Variants in PDZRN4 observed in about 807,000 individuals in gnomAD.
PDZRN4 encodes the protein PDZ domain-containing RING finger protein 4.
PDZRN4 carries 70 observed loss-of-function variants against 99.0 expected under a neutral mutation model. That is an observed-to-expected ratio of 0.71 (90% CI 0.58 to 0.86). PDZRN4 has a LOEUF of 0.86. Ranked by LOEUF, PDZRN4 falls within the 40% of genes least tolerant of loss-of-function variation. The probability of loss-of-function intolerance (pLI) is 0.00; values close to 1 mark genes in which losing one functional copy is unlikely to be tolerated. For synonymous variants in PDZRN4, 551 were observed against 501.6 expected, an observed-to-expected ratio of 1.10 and a Z score of -1.32; for missense variants, 1,474 against 1,331.2, an observed-to-expected ratio of 1.11 and a Z score of -1.67.
intron 3 of PDZRN4, among the ~76,000 whole-genome samples, chr12:41,473,672 C>A (rs1253347798): frequency 6.6e-6 from 1 of 152,118 alleles, no homozygotes; most frequent in Non-Finnish European, 1.5e-5. Flanking sequence ...CAGCTGTGGC[C>A]CTGGTGACCT....
chr12:41,419,461 C>A (rs1426813346), intron 3 of PDZRN4, among the ~76,000 whole-genome samples: 1 of 152,088 alleles, frequency 6.6e-6, no homozygotes, highest in Non-Finnish European at 1.5e-5. Context: ...GAGAGAGACT[C>A]ATCAAATAAC....
chr12:41,537,301 C>T (rs1179977972), intron 5 of PDZRN4, among the ~76,000 whole-genome samples: 1 of 152,128 alleles, frequency 6.6e-6, no homozygotes, highest in Non-Finnish European at 1.5e-5. Context: ...GGCAAATGGG[C>T]AATGAGCACT....
At chr12:41,470,732 ACTT>A (rs1329476570) in intron 3 of PDZRN4, among the ~76,000 whole-genome samples, 1 of 151,576 alleles carries the variant, frequency 6.6e-6, no homozygotes, top group Non-Finnish European at 1.5e-5. Flanking sequence ...ATTCCCACCC[ACTT>A]CTTAAAAGTC....
chr12:41,366,129 T>A (rs535789942), intron 3 of PDZRN4, among the ~76,000 whole-genome samples: 4 of 152,264 alleles, frequency 2.6e-5, no homozygotes, highest in African/African-American at 9.6e-5. Context: ...GCAAGTGTCC[T>A]GCCTTGTATT....
At chr12:41,399,666 G>C (rs868049765) in intron 3 of PDZRN4, among the ~76,000 whole-genome samples, 1 of 151,750 alleles carries the variant, frequency 6.6e-6, no homozygotes, top group Non-Finnish European at 1.5e-5. Flanking sequence ...AACCCAGGGG[G>C]CAGAGGTTGT....
At chr12:41,565,881 C>T (rs566540749) in intron 8 of PDZRN4, among the ~76,000 whole-genome samples, 2 of 152,222 alleles carry the variant, frequency 1.3e-5, no homozygotes, top group Admixed American at 6.5e-5. Flanking sequence ...CATGTGGCCC[C>T]CTTTGGTGCA....
At chr12:41,555,241 A>AAAAAAAAAAG (rs1939135516) in intron 6 of PDZRN4, among the ~76,000 whole-genome samples, 1 of 119,964 alleles carries the variant, frequency 8.3e-6, no homozygotes, top group African/African-American at 3.2e-5. Flanking sequence ...AAAAAAAAAA[A>AAAAAAAAAAG]AAAAAAAAGA....
chr12:41,428,105 A>C (rs1329989018), intron 3 of PDZRN4, among the ~76,000 whole-genome samples: 1 of 151,986 alleles, frequency 6.6e-6, no homozygotes, highest in Non-Finnish European at 1.5e-5. Context: ...CAACAACAAA[A>C]ACAAAACAAA....
chr12:41,305,878 C>A (rs1472673344), intron 3 of PDZRN4, among the ~76,000 whole-genome samples: 2 of 152,172 alleles, frequency 1.3e-5, no homozygotes, highest in Non-Finnish European at 2.9e-5. Context: ...AGTCCAGAGT[C>A]TCATCTAAAT....
Position 41,428,505 on chromosome 12 carries a change from A to C in PDZRN4, c.844-77951A>C, listed in dbSNP as rs931628268. On this transcript the variant is annotated intron_variant, in intron 3 of 9. Coordinates refer to ENST00000402685, the MANE Select transcript of PDZRN4 (RefSeq NM_001164595.2). ...TGCAGTACCAGATAGAACTGTCCAC[A>C]CTCTAAAAAAAGAGAGAAATATACC... is the stretch of plus-strand genomic sequence containing the variant. 3.3e-5 allele frequency among the ~76,000 whole-genome samples: 5 copies of C among 152,136 alleles called. No homozygotes were observed. The East Asian group carries it at 5.8e-4, about 18-fold the overall frequency.
intron 3 of PDZRN4, among the ~76,000 whole-genome samples, chr12:41,330,531 A>G (rs1951736004): frequency 6.6e-6 from 1 of 151,550 alleles, no homozygotes; most frequent in Non-Finnish European, 1.5e-5. Flanking sequence ...GATCTTTCCT[A>G]ATAGTACCTA....
At chr12:41,206,871 T>C (rs931374706) in intron 3 of PDZRN4, among the ~76,000 whole-genome samples, 3 of 151,986 alleles carry the variant, frequency 2.0e-5, no homozygotes, top group Non-Finnish European at 2.9e-5. Context: ...GACATTATCA[T>C]GTTTGATCAT....
At chr12:41,533,356 G>A (rs886726103) in intron 5 of PDZRN4, among the ~76,000 whole-genome samples, 4 of 151,860 alleles carry the variant, frequency 2.6e-5, no homozygotes, top group Non-Finnish European at 5.9e-5. Flanking sequence ...TGTATTTTTA[G>A]TAGAAACAGG....
chr12:41,316,711 C>T (rs1046070721), intron 3 of PDZRN4, among the ~76,000 whole-genome samples: 5 of 151,726 alleles, frequency 3.3e-5, no homozygotes, highest in African/African-American at 1.2e-4. Flanking sequence ...CAATTTAATC[C>T]AATTACCTCC....
chr12:41,302,507 G>T (rs1010996312), intron 3 of PDZRN4, among the ~76,000 whole-genome samples: 1 of 152,118 alleles, frequency 6.6e-6, no homozygotes, highest in African/African-American at 2.4e-5. Flanking sequence ...CAGGATTAAA[G>T]ATGTAAGGAT....
intron 3 of PDZRN4, chr12:41,437,770 CT>C: frequency 3.3e-6 from 5 of 1,522,146 alleles, no homozygotes; most frequent in Non-Finnish European, 4.4e-6. Context: ...GAAGAGCATG[CT>C]GCTACACACC....
chr12:41,464,039 G>A (rs144849979), intron 3 of PDZRN4, among the ~76,000 whole-genome samples: 8 of 152,114 alleles, frequency 5.3e-5, no homozygotes, highest in East Asian at 1.9e-4. Context: ...AGTCTATTGC[G>A]AAGGTTGGAT....
intron 3 of PDZRN4, among the ~76,000 whole-genome samples, chr12:41,431,307 G>T (rs547744373): frequency 6.6e-6 from 1 of 152,238 alleles, no homozygotes; most frequent in African/African-American, 2.4e-5. Flanking sequence ...TGCAATAATT[G>T]TATAGTAGGT....
intron 3 of PDZRN4, among the ~76,000 whole-genome samples, chr12:41,344,778 A>T (rs1364158903): frequency 1.3e-5 from 2 of 148,634 alleles, no homozygotes; most frequent in African/African-American, 4.9e-5. Context: ...TACATAATAT[A>T]TATATTTAAA....
Sources: gnomAD v4.1 joint callset for allele counts (sites outside exome capture counted in the v4.1 genomes callset) on GRCh38, gnomAD v4.1.1 for gene constraint, MANE v1.5 for transcripts, NCBI Gene and HGNC (gene_info 2026-07-23, HGNC 2026-07-21) for gene names.